RTN1: variants seen among roughly 807,000 people sequenced by gnomAD.
RTN1 encodes reticulon-1.
In RTN1, 25 loss-of-function variants were observed where a neutral mutation model predicts 65.5. The ratio of observed to expected loss-of-function variants is 0.38; its 90% CI spans 0.28 to 0.53. The LOEUF (loss-of-function observed/expected upper bound fraction) is 0.53, where lower values mean the gene tolerates loss of function less well. Among genes scored for constraint, RTN1 ranks in the 20% least tolerant of loss-of-function variants. The pLI is 0.79. For synonymous variants in RTN1, 471 were observed against 447.6 expected (o/e 1.05, Z -0.66); for missense variants, 983 against 1,025.4 (o/e 0.96, Z 0.57).
At chr14:59,647,357 C>T (rs552338576) in intron 3 of RTN1, among the ~76,000 whole-genome samples, 1 of 152,300 alleles carries the variant, frequency 6.6e-6, no homozygotes, top group African/African-American at 2.4e-5. Context: ...TAGTGGGAGA[C>T]TTCAACACTT....
intron 1 of RTN1, among the ~76,000 whole-genome samples, chr14:59,841,748 T>C (rs559103279): frequency 6.7e-6 from 1 of 148,860 alleles, no homozygotes; most frequent in East Asian, 2.0e-4. Context: ...TAGAAGACTG[T>C]TGATAAGAGA....
At chr14:59,736,387 C>G (rs2139493061) in intron 2 of RTN1, among the ~76,000 whole-genome samples, 1 of 152,218 alleles carries the variant, frequency 6.6e-6, no homozygotes, top group South Asian at 2.1e-4. Flanking sequence ...TCAGAGAATA[C>G]TATAAACACC....
intron 1 of RTN1, among the ~76,000 whole-genome samples, chr14:59,783,088 A>G (rs1375168472): frequency 6.6e-6 from 1 of 152,224 alleles, no homozygotes; most frequent in Non-Finnish European, 1.5e-5. Context: ...AGAAAGCAAG[A>G]CAGAAAAAAG....
At chr14:59,598,109 T>C (rs150645691) in intron 8 of RTN1, among the ~76,000 whole-genome samples, 4 of 151,808 alleles carry the variant, frequency 2.6e-5, no homozygotes, top group Admixed American at 1.3e-4. Flanking sequence ...GTAGAAGCAA[T>C]GAACAGAGGG....
intron 3 of RTN1, among the ~76,000 whole-genome samples, chr14:59,676,615 AC>A (rs1883633374): frequency 1.3e-5 from 2 of 152,162 alleles, no homozygotes; most frequent in African/African-American, 4.8e-5. Context: ...AGGCAGGACA[AC>A]ATGAAAGGTG....
chr14:59,785,975 C>A (rs1886242401), intron 1 of RTN1, among the ~76,000 whole-genome samples: 1 of 152,204 alleles, frequency 6.6e-6, no homozygotes, highest in South Asian at 2.1e-4. Flanking sequence ...GTTCCTTCTT[C>A]TTTCCAAGTC....
intron 1 of RTN1, among the ~76,000 whole-genome samples, chr14:59,789,369 T>C (rs1480176432): frequency 6.6e-6 from 1 of 152,170 alleles, no homozygotes; most frequent in Admixed American, 6.6e-5. Context: ...CATCCATTCC[T>C]ATTCTGGTAA....
At chr14:59,749,729 ATATTTATATATATATC>A (rs1283313055) in intron 1 of RTN1, among the ~76,000 whole-genome samples, 2 of 42,338 alleles carry the variant, frequency 4.7e-5, no homozygotes, top group African/African-American at 2.6e-4. Context: ...ATATATCTAT[ATATTTATATATATATC>A]TATATGTATA....
At chr14:59,680,469 T>G (rs1423241127) in intron 3 of RTN1, among the ~76,000 whole-genome samples, 1 of 152,228 alleles carries the variant, frequency 6.6e-6, no homozygotes, top group Non-Finnish European at 1.5e-5. Context: ...TAATTTGAGC[T>G]AATCAGTGAA....
chr14:59,689,975 T>A (rs12894153), intron 3 of RTN1, among the ~76,000 whole-genome samples: 2 of 150,874 alleles, frequency 1.3e-5, no homozygotes, highest in African/African-American at 4.9e-5. Flanking sequence ...TAATCTTGAA[T>A]GTAATTTCCT....
At chr14:59,812,559 T>C (rs530955024) in intron 1 of RTN1, among the ~76,000 whole-genome samples, 1 of 152,266 alleles carries the variant, frequency 6.6e-6, no homozygotes, top group South Asian at 2.1e-4. Flanking sequence ...AAATATAACA[T>C]GGTAAATTGA....
At chr14:59,738,328 T>C (rs956948027) in intron 2 of RTN1, among the ~76,000 whole-genome samples, 3 of 151,938 alleles carry the variant, frequency 2.0e-5, no homozygotes, top group Non-Finnish European at 2.9e-5. Context: ...ACAACCTCAT[T>C]AAAAATTGGG....
At chr14:59,802,335 A>G (rs1307962448) in intron 1 of RTN1, among the ~76,000 whole-genome samples, 1 of 152,198 alleles carries the variant, frequency 6.6e-6, no homozygotes, top group Non-Finnish European at 1.5e-5. Flanking sequence ...TAAGCCAAAG[A>G]CTTCCTGAAT....
chr14:59,840,064 G>A (rs1162015366), intron 1 of RTN1, among the ~76,000 whole-genome samples: 1 of 151,826 alleles, frequency 6.6e-6, no homozygotes, highest in Non-Finnish European at 1.5e-5. Flanking sequence ...CTGGCTTTCA[G>A]AGCCCATCAT....
chr14:59,796,581 G>A (rs937768889), intron 1 of RTN1, among the ~76,000 whole-genome samples: 4 of 152,000 alleles, frequency 2.6e-5, no homozygotes, highest in Non-Finnish European at 5.9e-5. Flanking sequence ...ATCAATACTT[G>A]TAGTTGCATG....
At chr14:59,652,501 A>C (rs1425450412) in intron 3 of RTN1, among the ~76,000 whole-genome samples, 1 of 152,220 alleles carries the variant, frequency 6.6e-6, no homozygotes, top group Non-Finnish European at 1.5e-5. Context: ...TGTAGCCATA[A>C]AAATGAACAA....
At chr14:59,801,794 C>A (rs1029014631) in intron 1 of RTN1, among the ~76,000 whole-genome samples, 2 of 152,136 alleles carry the variant, frequency 1.3e-5, no homozygotes, top group Non-Finnish European at 2.9e-5. Flanking sequence ...AGAAGATGGA[C>A]TATGATAAGT....
intron 3 of RTN1, among the ~76,000 whole-genome samples, chr14:59,675,469 G>T (rs1328827007): frequency 6.7e-6 from 1 of 149,854 alleles, no homozygotes; most frequent in Non-Finnish European, 1.5e-5. Flanking sequence ...ATAATTTATT[G>T]AGCACTTACT....
Position 59,691,193 on chromosome 14 carries a change from T to C in RTN1, c.1765+35726A>G, listed in dbSNP as rs77216305. ...CAAAATTGATAGCCCACTAGCTAGA[T>C]TACCACAGAAAAAGAGAGAGAAGAT... On this transcript the variant is annotated intron_variant, in intron 3 of 8. Coordinates refer to ENST00000267484, the MANE Select transcript of RTN1 (RefSeq NM_021136.3). Among the ~76,000 whole-genome samples the C allele has an allele frequency of 2.5e-3, 381 of 152,142 alleles. 1 individual carries two copies. The highest frequency in any genetic ancestry group is 8.9e-3 in the African/African-American group (370 of 41,540).
Sources: allele counts gnomAD v4.1 joint callset (sites outside exome capture counted in the v4.1 genomes callset), GRCh38; gene constraint gnomAD v4.1.1; transcripts MANE v1.5; gene names NCBI Gene and HGNC (gene_info 2026-07-23, HGNC 2026-07-21).